Variants in TRPM3 observed in about 807,000 individuals in gnomAD.
TRPM3 encodes long transient receptor potential channel 3.
A neutral mutation model predicts 181.2 loss-of-function variants in TRPM3; 77 were observed. The observed-to-expected ratio is 0.42, with a 90% CI of 0.35 to 0.51. TRPM3 has a LOEUF of 0.51. Ranked by LOEUF, TRPM3 falls within the 20% of genes least tolerant of loss-of-function variation. The pLI, the probability that TRPM3 is intolerant of heterozygous loss-of-function variation, is 0.01. For synonymous variants in TRPM3, 745 were observed against 796.4 expected (o/e 0.94, Z 1.09); for missense variants, 1,759 against 2,196.7 (o/e 0.80, Z 3.98).
At chr9:70,689,153 C>G (rs1350553963) in intron 8 of TRPM3, among the ~76,000 whole-genome samples, 2 of 152,128 alleles carry the variant, frequency 1.3e-5, no homozygotes, top group African/African-American at 2.4e-5. Context: ...ACTGAACACT[C>G]TATTATTGTT....
chr9:70,935,498 A>T (rs1013985829), intron 1 of TRPM3, among the ~76,000 whole-genome samples: 2 of 152,226 alleles, frequency 1.3e-5, no homozygotes, highest in African/African-American at 4.8e-5. Context: ...CCATCTAAAC[A>T]GGAAGCTGGT....
rs998300107 is a variant in TRPM3 at position 71,044,259 on chromosome 9, T to G, written c.177+76919A>C. Among the ~76,000 whole-genome samples, 4 of 152,138 alleles carry G rather than the reference T, an allele frequency of 2.6e-5. No individual in the cohort carries two copies. In the East Asian group the frequency reaches 7.7e-4, roughly 29 times the overall value. ...TGGCATCTCTATGTTCCATGGACTC[T>G]TAAAAGAAAAACATCAAAACCCAAA... On this transcript the variant is annotated intron_variant, in intron 1 of 25. Coordinates refer to ENST00000677713, the MANE Select transcript of TRPM3 (RefSeq NM_001366145.2).
rs5898149 is a variant in TRPM3 at position 70,535,032 on chromosome 9, GTT to G, written c.*919_*920del. On this transcript the variant is annotated 3_prime_UTR_variant, in exon 26 of 26. Coordinates refer to ENST00000677713, the MANE Select transcript of TRPM3 (RefSeq NM_001366145.2). ...CAATTTCAGGCTAGTTCTGTCCACT[GTT>G]TTTTTTTTTTTTTTTTTAAGTTCAA... 0.23 allele frequency: 32,256 copies of G among 139,732 alleles called. 4,121 individuals carry two copies. Among genetic ancestry groups the G allele is most frequent in the Middle Eastern group, 0.32 (82 of 260 alleles). The allele number at this position is 139,732 out of a possible 1,614,324, so 8.7% of individuals were successfully genotyped here. A position where few individuals can be genotyped will look rare whatever the true frequency, so the allele number is the denominator to read the frequency against.
At chr9:70,754,920 A>C (rs954986708) in intron 8 of TRPM3, among the ~76,000 whole-genome samples, 4 of 151,988 alleles carry the variant, frequency 2.6e-5, no homozygotes, top group Admixed American at 2.6e-4. Flanking sequence ...ACATCTCCCC[A>C]CCTCTCTTAG....
chr9:71,321,049 C>A (rs2089177772), intron 1 of TRPM3, among the ~76,000 whole-genome samples: 1 of 152,096 alleles, frequency 6.6e-6, no homozygotes, highest in Non-Finnish European at 1.5e-5. Flanking sequence ...TCTGCTGTTT[C>A]CATCCTAGAT....
At chr9:71,349,205 T>A (rs2091462712) in intron 1 of TRPM3, among the ~76,000 whole-genome samples, 1 of 152,234 alleles carries the variant, frequency 6.6e-6, no homozygotes, top group Admixed American at 6.5e-5. Flanking sequence ...AGTATTATGA[T>A]GGCTCTGAAA....
chr9:70,570,514 G>T (rs1181350004), intron 22 of TRPM3, among the ~76,000 whole-genome samples: 2 of 151,974 alleles, frequency 1.3e-5, no homozygotes, highest in Non-Finnish European at 2.9e-5. Context: ...TCACCATGTT[G>T]GCCAGGCTGG....
chr9:70,919,467 C>A (rs1362356385), intron 1 of TRPM3, among the ~76,000 whole-genome samples: 2 of 152,166 alleles, frequency 1.3e-5, no homozygotes, highest in African/African-American at 4.8e-5. Flanking sequence ...TAATCATTTT[C>A]ATCACTTTCC....
chr9:70,613,131 C>T (rs899026587), intron 18 of TRPM3, among the ~76,000 whole-genome samples: 6 of 152,160 alleles, frequency 3.9e-5, no homozygotes, highest in African/African-American at 7.2e-5. Flanking sequence ...TTGTCTTTCA[C>T]GGGTTTAAGT....
At chr9:70,851,312 C>G (rs7872254) in intron 3 of TRPM3, among the ~76,000 whole-genome samples, 1 of 152,194 alleles carries the variant, frequency 6.6e-6, no homozygotes, top group South Asian at 2.1e-4. Context: ...TATTAACTCA[C>G]ATAGTGTGAA....
At chr9:70,754,095 G>C (rs1446277663) in intron 8 of TRPM3, among the ~76,000 whole-genome samples, 1 of 152,150 alleles carries the variant, frequency 6.6e-6, no homozygotes. Flanking sequence ...AGTGGCGATA[G>C]AGGAAGGCTT....
chr9:70,559,096 A>C (rs1214205350), intron 22 of TRPM3, among the ~76,000 whole-genome samples: 1 of 152,212 alleles, frequency 6.6e-6, no homozygotes, highest in Non-Finnish European at 1.5e-5. Flanking sequence ...AACTTTTATA[A>C]TAACAAGTCA....
intron 1 of TRPM3, among the ~76,000 whole-genome samples, chr9:71,408,694 A>C (rs530795122): frequency 6.6e-6 from 1 of 152,238 alleles, no homozygotes; most frequent in Non-Finnish European, 1.5e-5. Flanking sequence ...GATATCATCC[A>C]GGAGAACTTC....
intron 1 of TRPM3, among the ~76,000 whole-genome samples, chr9:71,436,601 C>T (rs1420550136): frequency 1.3e-5 from 2 of 152,122 alleles, no homozygotes; most frequent in Non-Finnish European, 2.9e-5. Context: ...CCACTCCCGG[C>T]CTAAACCTCT....
At chr9:71,303,181 G>C (rs2086938123) in intron 1 of TRPM3, among the ~76,000 whole-genome samples, 1 of 152,134 alleles carries the variant, frequency 6.6e-6, no homozygotes, top group South Asian at 2.1e-4. Flanking sequence ...GAAAGGGACA[G>C]GGAGATGGGA....
Position 70,810,078 on chromosome 9 carries a change from T to G in TRPM3, c.973+17769A>C, listed in dbSNP as rs201632779. 8.4e-4 allele frequency: 449 copies of G among 534,526 alleles called. 2 individuals carry two copies. Among genetic ancestry groups the G allele is most frequent in the Admixed American group, 2.8e-3 (144 of 51,574 alleles). The allele number at this position is 534,526 out of a possible 1,614,324, so 33.1% of individuals were successfully genotyped here. A position where few individuals can be genotyped will look rare whatever the true frequency, so the allele number is the denominator to read the frequency against. On this transcript the variant is annotated intron_variant, in intron 6 of 25. Transcript: ENST00000677713. ...GTCCACGAGTCACATGAAGAAAGAC[T>G]GTAGCCATGGGTACGCGATCAGGAA...
chr9:71,180,003 G>C (rs989199629), intron 1 of TRPM3, among the ~76,000 whole-genome samples: 9 of 147,704 alleles, frequency 6.1e-5, no homozygotes, highest in Non-Finnish European at 1.3e-4. Flanking sequence ...GAACATGATT[G>C]GTTTTACATT....
At chr9:70,844,201 A>C (rs1482412392) in intron 4 of TRPM3, among the ~76,000 whole-genome samples, 1 of 152,180 alleles carries the variant, frequency 6.6e-6, no homozygotes, top group East Asian at 1.9e-4. Flanking sequence ...AAACTAACTA[A>C]ACACATGAAA....
chr9:70,834,831 C>T (rs1053508824), intron 5 of TRPM3, among the ~76,000 whole-genome samples: 5 of 152,204 alleles, frequency 3.3e-5, no homozygotes, highest in Admixed American at 6.5e-5. Context: ...GCCACGCATA[C>T]ATTCCTGGCC....
Sources: gnomAD v4.1 joint callset for allele counts (sites outside exome capture counted in the v4.1 genomes callset) on GRCh38, gnomAD v4.1.1 for gene constraint, MANE v1.5 for transcripts, NCBI Gene and HGNC (gene_info 2026-07-23, HGNC 2026-07-21) for gene names.